The following LRRC8D variants were observed in gnomAD, a reference collection of about 807,000 sequenced individuals.
The protein encoded by LRRC8D is leucine rich repeat containing 8 VRAC subunit D, also known as volume-regulated anion channel subunit LRRC8D.
LRRC8D carries 20 observed loss-of-function variants against 55.8 expected under a neutral mutation model. The ratio of observed to expected loss-of-function variants is 0.36; its 90% CI spans 0.25 to 0.52. LRRC8D has a LOEUF of 0.52. Among genes scored for constraint, LRRC8D ranks in the 20% least tolerant of loss-of-function variants. The pLI, the probability that LRRC8D is intolerant of heterozygous loss-of-function variation, is 0.93. For synonymous variants in LRRC8D, 352 were observed against 377.0 expected (o/e 0.93, Z 0.77); for missense variants, 651 against 1,030.8 (o/e 0.63, Z 5.05).
chr1:89,910,442 GGTT>G (rs765603221), intron 2 of LRRC8D, among the ~76,000 whole-genome samples: 187 of 152,280 alleles, frequency 1.2e-3, no homozygotes, highest in Non-Finnish European at 2.2e-3. Context: ...ATGACAGTTG[GGTT>G]GTTGTTTCAT....
intron 1 of LRRC8D, among the ~76,000 whole-genome samples, chr1:89,832,571 C>G (rs1320292693): frequency 2.0e-5 from 3 of 151,980 alleles, no homozygotes; most frequent in Non-Finnish European, 4.4e-5. Context: ...ATTTCTTTTC[C>G]CCCTTATGGA....
At chr1:89,899,164 ACCTCCGGGGGTGTGG>A (rs1662785860) in intron 2 of LRRC8D, among the ~76,000 whole-genome samples, 1 of 152,130 alleles carries the variant, frequency 6.6e-6, no homozygotes, top group Admixed American at 6.5e-5. Context: ...CTAAGTTGGT[ACCTCCGGGGGTGTGG>A]CCTAGCATTA....
chr1:89,902,672 G>A (rs879729205), intron 2 of LRRC8D, among the ~76,000 whole-genome samples: 1 of 151,912 alleles, frequency 6.6e-6, no homozygotes, highest in Non-Finnish European at 1.5e-5. Flanking sequence ...GAGTAGCTGG[G>A]ACTACAGGGC....
intron 2 of LRRC8D, among the ~76,000 whole-genome samples, chr1:89,844,160 C>T (rs1274946268): frequency 1.3e-5 from 2 of 152,124 alleles, no homozygotes; most frequent in Non-Finnish European, 2.9e-5. Context: ...CCTTACTGGT[C>T]TGGGGTCATA....
At chr1:89,838,725 A>G (rs1228200495) in intron 1 of LRRC8D, among the ~76,000 whole-genome samples, 2 of 152,184 alleles carry the variant, frequency 1.3e-5, no homozygotes, top group African/African-American at 2.4e-5. Flanking sequence ...ATTTTTTTGC[A>G]TACTAATTGA....
At chr1:89,828,951 A>T (rs1660826743) in intron 1 of LRRC8D, among the ~76,000 whole-genome samples, 1 of 152,218 alleles carries the variant, frequency 6.6e-6, no homozygotes, top group Non-Finnish European at 1.5e-5. Flanking sequence ...TCTGATGGTC[A>T]TTGGCCGCCA....
chr1:89,875,519 A>C (rs1390682975), intron 2 of LRRC8D, among the ~76,000 whole-genome samples: 2 of 152,214 alleles, frequency 1.3e-5, no homozygotes, highest in African/African-American at 2.4e-5. Context: ...TCCTTTAATA[A>C]GTGCTAATAA....
chr1:89,933,780 G>A lies in LRRC8D; in HGVS notation c.712G>A (p.Val238Ile), dbSNP rs376537988. 2 of 1,614,160 alleles carry A rather than the reference G, an allele frequency of 1.2e-6. No homozygotes were observed. The highest frequency in any genetic ancestry group is 2.7e-5 in the African/African-American group (2 of 75,048). Residue 238 changes from valine (V) to isoleucine (I), a missense_variant, in exon 3 of 3, where the codon GTT (valine) becomes ATT (isoleucine). Transcript: ENST00000337338. This position sits in a 1 kb window ranked among gnomAD's most constrained non-coding sequence, Gnocchi z 7.0. The part of the protein sequence containing the change: ...ITGAQTLPKH[V>I]STSSDEGSPS... ...AGGTGCCCAGACTCTACCAAAGCATGTTTCTACCAGCAGTGATGAAGGGAG... is the reference window on the plus strand; with the variant it reads ...AGGTGCCCAGACTCTACCAAAGCATATTTCTACCAGCAGTGATGAAGGGAG...
At chr1:89,872,564 T>C (rs908960899) in intron 2 of LRRC8D, among the ~76,000 whole-genome samples, 5 of 152,234 alleles carry the variant, frequency 3.3e-5, no homozygotes, top group South Asian at 2.1e-4. Context: ...GTTTCTTCAT[T>C]TCACACGTCC....
At position 89,934,632 on chromosome 1, in the gene LRRC8D, C is replaced by T; in HGVS notation, c.1564C>T (p.His522Tyr). The change falls in exon 3 of 3, where the codon CAC becomes TAC. Residue 522 changes from histidine (H) to tyrosine (Y), a missense_variant. By Grantham distance (83) the His-to-Tyr change is moderately conservative. Around this residue, in one of 5 missense-constraint regions of LRRC8D, gnomAD observed 338 missense variants for 479.4 expected, o/e 0.71. Coordinates refer to ENST00000337338, the MANE Select transcript of LRRC8D (RefSeq NM_001134479.2). The surrounding 1 kb of genome is among the most constrained non-coding windows in gnomAD (Gnocchi z 5.9). The stretch of plus-strand genomic sequence containing the variant: ...TAACCTCCAAGAGCTCCACCTCTGC[C>T]ACTGCCCTGCAAAAGTTGAACAGAC... ...MTNLQELHLC[H>Y]CPAKVEQTAF... The T allele has an allele frequency of 6.2e-7, 1 of 1,614,212 alleles. No individual in the cohort carries two copies. Among genetic ancestry groups the T allele is most frequent in the Non-Finnish European group, 8.5e-7 (1 of 1,180,050 alleles).
At chr1:89,871,239 G>A (rs1342272094) in intron 2 of LRRC8D, among the ~76,000 whole-genome samples, 3 of 152,122 alleles carry the variant, frequency 2.0e-5, no homozygotes, top group Non-Finnish European at 4.4e-5. Context: ...ATTATCTTAT[G>A]TCTATCTAGG....
intron 2 of LRRC8D, among the ~76,000 whole-genome samples, chr1:89,848,694 T>G (rs578064388): frequency 2.0e-5 from 3 of 152,018 alleles, no homozygotes; most frequent in Non-Finnish European, 4.4e-5. Flanking sequence ...TGTTTGTTTT[T>G]TTGGTTTTTT....
chr1:89,901,729 G>C (rs902228703), intron 2 of LRRC8D, among the ~76,000 whole-genome samples: 3 of 152,186 alleles, frequency 2.0e-5, no homozygotes, highest in African/African-American at 7.2e-5. Flanking sequence ...GATATTTGCT[G>C]CTTAAAGAAA....
chr1:89,836,204 T>C (rs1661002095), intron 1 of LRRC8D, among the ~76,000 whole-genome samples: 1 of 152,208 alleles, frequency 6.6e-6, no homozygotes, highest in South Asian at 2.1e-4. Context: ...CAGAGCTCTC[T>C]TACTCTCATT....
intron 2 of LRRC8D, among the ~76,000 whole-genome samples, chr1:89,879,397 T>G (rs1662224238): frequency 6.6e-6 from 1 of 152,184 alleles, no homozygotes; most frequent in East Asian, 1.9e-4. Flanking sequence ...GAAACAATTG[T>G]TGAGAACTAG....
At chr1:89,919,131 A>G (rs1663349142) in intron 2 of LRRC8D, among the ~76,000 whole-genome samples, 1 of 152,222 alleles carries the variant, frequency 6.6e-6, no homozygotes, top group South Asian at 2.1e-4. Context: ...CTTACTGGCT[A>G]GAATCTCCTA....
At chr1:89,886,133 G>A (rs1662412857) in intron 2 of LRRC8D, among the ~76,000 whole-genome samples, 1 of 152,148 alleles carries the variant, frequency 6.6e-6, no homozygotes, top group African/African-American at 2.4e-5. Flanking sequence ...CATTGCCTTC[G>A]AAATTTTTCC....
rs748843198 is a variant in LRRC8D, at chr1:89,935,104, T to G, written c.2036T>G (p.Phe679Cys). 4 of 1,614,102 alleles carry G rather than the reference T, an allele frequency of 2.5e-6. No homozygotes were observed. Among genetic ancestry groups the G allele is most frequent in the Non-Finnish European group, 3.4e-6 (4 of 1,180,044 alleles). ...CGCACAATTGAGGAAATCATCAGTT[T>G]CCAGCATTTAAAACGACTGACTTGT... is the stretch of plus-strand genomic sequence containing the variant. ...NIRTIEEIIS[F>C]QHLKRLTCLK... Residue 679 changes from phenylalanine (F) to cysteine (C), a missense_variant, in exon 3 of 3, where the codon TTC becomes TGC. This residue lies in a region of LRRC8D where 338 missense variants were observed against 479.4 expected (regional missense o/e 0.71). Transcript: ENST00000337338.
chr1:89,910,361 A>C (rs1663106722), intron 2 of LRRC8D, among the ~76,000 whole-genome samples: 3 of 152,234 alleles, frequency 2.0e-5, no homozygotes, highest in African/African-American at 7.2e-5. Context: ...GGATCAGATT[A>C]GTTGGAATCC....
Sources: gnomAD v4.1 joint callset for allele counts (sites outside exome capture counted in the v4.1 genomes callset) on GRCh38, gnomAD v4.1.1 for gene constraint, gnomAD v4.1.1 regional missense constraint, Gnocchi (gnomAD v3.1) non-coding constraint, MANE v1.5 for transcripts, NCBI Gene and HGNC (gene_info 2026-07-23, HGNC 2026-07-21) for gene names.